The following HECW1 variants were observed in gnomAD, a reference collection of about 807,000 sequenced individuals.
The protein encoded by HECW1 is HECT, C2 and WW domain containing E3 ubiquitin protein ligase 1, also known as E3 ubiquitin-protein ligase HECW1.
HECW1 carries 61 observed loss-of-function variants against 182.3 expected under a neutral mutation model. The observed-to-expected ratio is 0.33, with a 90% CI of 0.27 to 0.41. The LOEUF is 0.41. HECW1 is among the 10% of genes least tolerant of loss of function. The pLI, the probability that HECW1 is intolerant of heterozygous loss-of-function variation, is 1.00. For synonymous variants in HECW1, 859 were observed against 832.6 expected (o/e 1.03, Z -0.55); for missense variants, 1,739 against 2,108.9 (o/e 0.82, Z 3.44).
chr7:43,180,979 C>T (rs1446967360), intron 2 of HECW1, among the ~76,000 whole-genome samples: 1 of 152,018 alleles, frequency 6.6e-6, no homozygotes, highest in African/African-American at 2.4e-5. Flanking sequence ...ACACATTGGC[C>T]GACCTCTCCT....
intron 3 of HECW1, among the ~76,000 whole-genome samples, chr7:43,256,342 G>T (rs547179279): frequency 2.2e-4 from 34 of 152,232 alleles, no homozygotes; most frequent in African/African-American, 6.0e-4. Context: ...GGGTACGGTG[G>T]TTCACACCTG....
chr7:43,388,137 T>G (rs1177542713), intron 6 of HECW1, among the ~76,000 whole-genome samples: 1 of 152,200 alleles, frequency 6.6e-6, no homozygotes, highest in Non-Finnish European at 1.5e-5. Context: ...GGCTCCAGCC[T>G]GGCTGCCTCT....
chr7:43,300,165 A>G (rs1806553599), intron 3 of HECW1, among the ~76,000 whole-genome samples: 2 of 152,220 alleles, frequency 1.3e-5, no homozygotes, highest in South Asian at 2.1e-4. Flanking sequence ...ATCCTAAATC[A>G]CTACAGATAG....
intron 2 of HECW1, among the ~76,000 whole-genome samples, chr7:43,198,138 CCA>C (rs1377988299): frequency 6.7e-6 from 1 of 150,358 alleles, no homozygotes; most frequent in East Asian, 2.0e-4. Context: ...GTCACACACC[CCA>C]CACTCTCTCA....
chr7:43,424,370 A>C lies in HECW1; in HGVS notation c.802-13633A>C, dbSNP rs377095557. 2.6e-4 allele frequency among the ~76,000 whole-genome samples: 40 copies of C among 152,354 alleles called. No individual in the cohort carries two copies. The East Asian group carries it at 6.4e-3, about 24-fold the overall frequency. On this transcript the variant is annotated intron_variant, in intron 8 of 29. Transcript: ENST00000395891. ...TGCAGTGGCTCACGCCTCTAATCCC[A>C]ACACTTTGGGAAGCCAAGGTGGTAG... is the stretch of plus-strand genomic sequence containing the variant.
chr7:43,156,974 A>G (rs2107273), intron 2 of HECW1, among the ~76,000 whole-genome samples: 48,109 of 152,106 alleles, frequency 0.32, 8,250 homozygotes, highest in East Asian at 0.56. Context: ...GATTAAGTCA[A>G]TGAGATTTGA....
At chr7:43,467,302 C>A (rs77372862) in intron 15 of HECW1, among the ~76,000 whole-genome samples, 2 of 151,828 alleles carry the variant, frequency 1.3e-5, no homozygotes, top group East Asian at 3.9e-4. Context: ...CTTGGGGAGG[C>A]GGCTGAATTG....
intron 3 of HECW1, among the ~76,000 whole-genome samples, chr7:43,277,622 C>T (rs866997714): frequency 5.9e-4 from 90 of 152,172 alleles, no homozygotes; most frequent in African/African-American, 2.0e-3. Context: ...AGACCATTTC[C>T]GTAGGCATCC....
intron 24 of HECW1, among the ~76,000 whole-genome samples, chr7:43,516,434 A>G (rs1349142557): frequency 6.6e-6 from 1 of 152,240 alleles, no homozygotes; most frequent in Non-Finnish European, 1.5e-5. Context: ...AAATAAAAAC[A>G]GTAAAAATAA....
intron 6 of HECW1, among the ~76,000 whole-genome samples, chr7:43,388,932 A>G (rs950206403): frequency 1.3e-5 from 2 of 152,132 alleles, no homozygotes; most frequent in Non-Finnish European, 2.9e-5. Context: ...TGACCCCTTC[A>G]CAGGCCGAGG....
chr7:43,395,882 TAAGAG>T (rs2075213185), intron 6 of HECW1, among the ~76,000 whole-genome samples: 1 of 152,154 alleles, frequency 6.6e-6, no homozygotes, highest in African/African-American at 2.4e-5. Context: ...TCAAGAATAC[TAAGAG>T]AAGAAAGAAA....
intron 9 of HECW1, chr7:43,438,971 A>G (rs1287118147): frequency 1.3e-5 from 2 of 152,232 alleles, no homozygotes; most frequent in Non-Finnish European, 2.9e-5. Context: ...AATCACGGAT[A>G]ATTATCATAA....
At chr7:43,527,371 C>A (rs2080798951) in intron 24 of HECW1, among the ~76,000 whole-genome samples, 1 of 129,232 alleles carries the variant, frequency 7.7e-6, no homozygotes, top group South Asian at 2.3e-4. Context: ...TCTGAAGGCT[C>A]CAGGGGAGAC....
intron 5 of HECW1, among the ~76,000 whole-genome samples, chr7:43,336,334 T>TA (rs1345944217): frequency 6.6e-6 from 1 of 151,300 alleles, no homozygotes; most frequent in Admixed American, 6.6e-5. Context: ...CCCAGCTACT[T>TA]AAAAAAAAAT....
In HECW1 at chr7:43,243,140, G is replaced by T. The variant is rs1799044420; in HGVS notation, c.-31-735G>T. On this transcript the variant is annotated intron_variant, in intron 2 of 29. Coordinates refer to ENST00000395891, the MANE Select transcript of HECW1 (RefSeq NM_015052.5). This position sits in a 1 kb window ranked among gnomAD's most constrained non-coding sequence, Gnocchi z 4.0. Reference sequence around the variant, plus strand: ...CATGGTGACTGTAACTCCCAAGGAAGATGAGGTTATAAAATCAGAATAAAG... The same window carrying T: ...CATGGTGACTGTAACTCCCAAGGAATATGAGGTTATAAAATCAGAATAAAG... Among the ~76,000 whole-genome samples, 1 of 152,188 alleles carries T rather than the reference G, an allele frequency of 6.6e-6. No individual in the cohort carries two copies. The highest frequency in any genetic ancestry group is 1.5e-5 in the Non-Finnish European group (1 of 68,036).
intron 19 of HECW1, among the ~76,000 whole-genome samples, chr7:43,496,859 G>A (rs778719098): frequency 6.6e-6 from 1 of 152,202 alleles, no homozygotes; most frequent in Non-Finnish European, 1.5e-5. Flanking sequence ...CAAGGGGCAT[G>A]GAGGTGGTCC....
intron 5 of HECW1, among the ~76,000 whole-genome samples, chr7:43,341,920 TATC>T (rs1813050379): frequency 6.6e-6 from 1 of 151,762 alleles, no homozygotes; most frequent in African/African-American, 2.4e-5. Flanking sequence ...GTAGCAAAAA[TATC>T]ATGACTTTCA....
At chr7:43,150,671 A>G (rs1409562665) in intron 2 of HECW1, among the ~76,000 whole-genome samples, 2 of 152,196 alleles carry the variant, frequency 1.3e-5, no homozygotes, top group Non-Finnish European at 2.9e-5. Context: ...GAGCCACTGC[A>G]TCAGGCCTGG....
intron 2 of HECW1, among the ~76,000 whole-genome samples, chr7:43,217,962 C>T (rs574364601): frequency 6.5e-4 from 99 of 152,214 alleles, no homozygotes; most frequent in African/African-American, 1.7e-3. Flanking sequence ...AGGATTTCCT[C>T]GAAGAAAAGC....
Sources: allele counts gnomAD v4.1 joint callset (sites outside exome capture counted in the v4.1 genomes callset), GRCh38; gene constraint gnomAD v4.1.1; non-coding constraint Gnocchi (gnomAD v3.1); transcripts MANE v1.5; gene names NCBI Gene and HGNC (gene_info 2026-07-23, HGNC 2026-07-21).